Variants in ELOVL6 observed in about 807,000 individuals in gnomAD.
ELOVL6 encodes the protein ELOVL fatty acid elongase 6.
ELOVL6 carries 8 observed loss-of-function variants against 31.7 expected under a neutral mutation model. The observed-to-expected ratio is 0.25, with a 90% confidence interval of 0.15 to 0.45. The LOEUF is 0.45. ELOVL6 is among the 20% of genes least tolerant of loss of function. The pLI, the probability that ELOVL6 is intolerant of heterozygous loss-of-function variation, is 1.00. For synonymous variants in ELOVL6, 101 were observed against 117.7 expected, an observed-to-expected ratio of 0.86 and a Z score of 0.92; for missense variants, 126 against 326.4, an observed-to-expected ratio of 0.39 and a Z score of 4.73.
chr4:110,084,393 T>TC (rs1756122002), intron 2 of ELOVL6, among the ~76,000 whole-genome samples: 1 of 116,492 alleles, frequency 8.6e-6, no homozygotes, highest in African/African-American at 3.4e-5. Context: ...ATCGCATATA[T>TC]GATATATGAT....
intron 1 of ELOVL6, among the ~76,000 whole-genome samples, chr4:110,113,533 G>T (rs184551833): frequency 5.3e-4 from 79 of 147,676 alleles, no homozygotes; most frequent in African/African-American, 1.9e-3. Flanking sequence ...GAGCATGATT[G>T]CCCCATGCAC....
chr4:110,179,448 G>A (rs1456701448), intron 1 of ELOVL6, among the ~76,000 whole-genome samples: 2 of 152,180 alleles, frequency 1.3e-5, no homozygotes, highest in African/African-American at 4.8e-5. Flanking sequence ...TGAGGTTGCA[G>A]TGAGCCGAAA....
chr4:110,162,753 T>A (rs879418690), intron 1 of ELOVL6, among the ~76,000 whole-genome samples: 5 of 152,186 alleles, frequency 3.3e-5, no homozygotes, highest in Non-Finnish European at 7.3e-5. Context: ...ACGCCAAATT[T>A]TAAGGTACAC....
chr4:110,111,253 G>A (rs1757026097), intron 1 of ELOVL6, among the ~76,000 whole-genome samples: 1 of 152,022 alleles, frequency 6.6e-6, no homozygotes, highest in African/African-American at 2.4e-5. Flanking sequence ...GATTTTGGGG[G>A]AGAAAATACT....
chr4:110,129,405 A>G (rs747604775), intron 1 of ELOVL6, among the ~76,000 whole-genome samples: 1 of 152,174 alleles, frequency 6.6e-6, no homozygotes, highest in Non-Finnish European at 1.5e-5. Context: ...ACCCCACAAG[A>G]CGTTCTTTGA....
chr4:110,113,101 G>A (rs530226039), intron 1 of ELOVL6, among the ~76,000 whole-genome samples: 11 of 151,468 alleles, frequency 7.3e-5, no homozygotes, highest in South Asian at 2.1e-4. Context: ...GGTGGCAGGC[G>A]CCTGTAATCC....
intron 2 of ELOVL6, among the ~76,000 whole-genome samples, chr4:110,098,205 A>C (rs191602465): frequency 6.6e-6 from 1 of 152,108 alleles, no homozygotes; most frequent in African/African-American, 2.4e-5. Flanking sequence ...GTCAAAAAAA[A>C]GGGGGAAACA....
At chr4:110,169,676 C>T (rs1173595121) in intron 1 of ELOVL6, among the ~76,000 whole-genome samples, 1 of 152,114 alleles carries the variant, frequency 6.6e-6, no homozygotes, top group African/African-American at 2.4e-5. Context: ...GGAAATTATC[C>T]ACTCTTCTTC....
At chr4:110,190,840 GAC>G (rs1292946115) in intron 1 of ELOVL6, among the ~76,000 whole-genome samples, 4 of 148,568 alleles carry the variant, frequency 2.7e-5, no homozygotes, top group African/African-American at 9.9e-5. Context: ...TTTTTTTTGA[GAC>G]ACAGTTTTGC....
chr4:110,108,334 T>A (rs1481145564), intron 1 of ELOVL6, among the ~76,000 whole-genome samples: 2 of 152,144 alleles, frequency 1.3e-5, no homozygotes, highest in Admixed American at 1.3e-4. Flanking sequence ...CTTCATACAA[T>A]CCTATCATTC....
rs557606336 is a variant in ELOVL6, at chr4:110,103,404, T to A, written c.221+2093A>T. Among the ~76,000 whole-genome samples the A allele has an allele frequency of 1.4e-4, 22 of 152,212 alleles. 1 individual carries two copies. The South Asian group carries it at 4.2e-3, about 29-fold the overall frequency. On this transcript the variant is annotated intron_variant, in intron 2 of 3. Transcript: ENST00000302274. ...TGGCATATGAAAAAGTACATATCCATAAGTTTATAATGATTCTTAAGAAAA... is the reference window on the plus strand; with the variant it reads ...TGGCATATGAAAAAGTACATATCCAAAAGTTTATAATGATTCTTAAGAAAA...
At chr4:110,059,531 T>C in intron 3 of ELOVL6, 72 bp downstream of exon 3, 7 of 1,475,554 alleles carry the variant, frequency 4.7e-6, no homozygotes, top group Non-Finnish European at 6.4e-6. Context: ...AAAATGTTTC[T>C]TTGCTCACTA....
intron 1 of ELOVL6, among the ~76,000 whole-genome samples, chr4:110,186,010 T>G (rs1446685807): frequency 1.3e-5 from 2 of 152,078 alleles, no homozygotes; most frequent in East Asian, 3.9e-4. Flanking sequence ...GCTAACATGG[T>G]GAAACCCTGT....
chr4:110,088,408 AT>A (rs970898438), intron 2 of ELOVL6, among the ~76,000 whole-genome samples: 57 of 152,204 alleles, frequency 3.7e-4, no homozygotes, highest in Admixed American at 9.8e-4. Context: ...ATTGGGACAC[AT>A]TTCTGTTCAT....
intron 2 of ELOVL6, among the ~76,000 whole-genome samples, chr4:110,102,951 A>C (rs1490907772): frequency 9.5e-6 from 1 of 104,724 alleles, no homozygotes; most frequent in Admixed American, 1.0e-4. Context: ...GGGGGTGGGG[A>C]GGGGCGGTAA....
chr4:110,056,127 G>GC lies in ELOVL6; in HGVS notation c.373+3475_373+3476insG, dbSNP rs567023195. On this transcript the variant is annotated intron_variant, in intron 3 of 3. Transcript: ENST00000302274. ...GAGTTTGAGTTTGTGGGAGCTGGGG[G>GC]GGGGGATACAGTTTCAGTACTATAC... 1.8e-3 allele frequency among the ~76,000 whole-genome samples: 258 copies of GC among 142,826 alleles called. 1 individual carries two copies. Among genetic ancestry groups the GC allele is most frequent in the African/African-American group, 6.8e-3 (251 of 36,978 alleles). 93.7% of individuals were successfully genotyped at this position (142,826 alleles called of 152,430 possible). A position where few individuals can be genotyped will look rare whatever the true frequency, so the allele number is the denominator to read the frequency against.
intron 1 of ELOVL6, among the ~76,000 whole-genome samples, chr4:110,143,568 T>C (rs1240038981): frequency 1.3e-5 from 2 of 152,136 alleles, no homozygotes; most frequent in Admixed American, 6.5e-5. Context: ...ACCAGCACCA[T>C]CAGTCAGCAT....
At chr4:110,072,038 C>G (rs371568794) in intron 2 of ELOVL6, among the ~76,000 whole-genome samples, 1 of 152,186 alleles carries the variant, frequency 6.6e-6, no homozygotes, top group Non-Finnish European at 1.5e-5. Flanking sequence ...AATCCACCAG[C>G]GTGAGATCAG....
chr4:110,069,155 TAATAATAATAATAATAGG>T lies in ELOVL6; in HGVS notation c.222-9419_222-9402del, dbSNP rs1210259145. Reference sequence around the variant, plus strand: ...CAAATAATAATAATAATAATAATAATAATAATAATAATAATAGGGACACTTGGTACCATAATGGATGTC... The same window carrying T: ...CAAATAATAATAATAATAATAATAATGACACTTGGTACCATAATGGATGTC... On this transcript the variant is annotated intron_variant, in intron 2 of 3. Coordinates refer to ENST00000302274, the MANE Select transcript of ELOVL6 (RefSeq NM_024090.3). Among the ~76,000 whole-genome samples the T allele has an allele frequency of 2.1e-5, 3 of 141,836 alleles. No individual in the cohort carries two copies. In the South Asian group the frequency reaches 6.9e-4, roughly 33 times the overall value. The allele number at this position is 141,836 out of a possible 152,430, so 93.0% of individuals were successfully genotyped here.
Sources: gnomAD v4.1 joint callset for allele counts (sites outside exome capture counted in the v4.1 genomes callset) on GRCh38, gnomAD v4.1.1 for gene constraint, MANE v1.5 for transcripts, NCBI Gene and HGNC (gene_info 2026-07-23, HGNC 2026-07-21) for gene names.